NVL: variants seen among roughly 807,000 people sequenced by gnomAD.
The protein encoded by NVL is nuclear valosin-containing protein-like.
NVL carries 84 observed loss-of-function variants against 110.2 expected under a neutral mutation model. The ratio of observed to expected loss-of-function variants is 0.76; its 90% CI spans 0.64 to 0.91. The LOEUF is 0.91. NVL is among the 40% of genes least tolerant of loss of function. NVL has a pLI of 0.00. For missense variants in NVL, 882 were observed against 1,035.9 expected, an observed-to-expected ratio of 0.85 and a Z score of 2.04; for synonymous variants, 354 against 361.1, an observed-to-expected ratio of 0.98 and a Z score of 0.22.
At position 224,268,041 on chromosome 1, in the gene NVL, G is replaced by A. The variant is rs773770958; in HGVS notation, c.2175C>T (p.Asn725=). The A allele has an allele frequency of 3.7e-6, 6 of 1,611,234 alleles. No homozygotes were observed. The highest frequency in any genetic ancestry group is 3.3e-4 in the Middle Eastern group (2 of 6,062). The part of the protein sequence containing the change: ...RQQVFIMAAT[N]RPDIIDPAIL... ...AATATTTTTATTTCTTACCTGGCCTGTTAGTGGCTGCCATAATAAAAACCT... is the reference window on the plus strand; with the variant it reads ...AATATTTTTATTTCTTACCTGGCCTATTAGTGGCTGCCATAATAAAAACCT... Residue 725 remains asparagine, a synonymous_variant, in exon 18 of 23, where the codon AAC becomes AAT. Transcript: ENST00000281701.
intron 15 of NVL, among the ~76,000 whole-genome samples, chr1:224,284,894 A>G (rs372116248): frequency 3.3e-5 from 5 of 152,186 alleles, no homozygotes; most frequent in African/African-American, 1.2e-4. Context: ...TTAAAAACAT[A>G]CATTCCTTTG....
intron 19 of NVL, among the ~76,000 whole-genome samples, chr1:224,241,461 T>G (rs1571792193): frequency 6.6e-6 from 1 of 152,154 alleles, no homozygotes; most frequent in East Asian, 1.9e-4. Flanking sequence ...TAATATTATA[T>G]TATTTTTTAA....
chr1:224,236,580 A>G lies in NVL; in HGVS notation c.2292T>C (p.Asn764=). ...CTGCATCCAGTGGTGGTTTGGTACC[A>G]TTCTAAGTAAGAGAGAAAAATGATT... ...RLAILKTITK[N]GTKPPLDADV... is the part of the protein sequence containing the mutation. Residue 764 remains asparagine, a splice_region_variant and synonymous_variant, in exon 20 of 23, where the codon AAT becomes AAC. Transcript: ENST00000281701. The G allele has an allele frequency of 6.2e-7, 1 of 1,612,818 alleles. No homozygotes were observed. The highest frequency in any genetic ancestry group is 8.5e-7 in the Non-Finnish European group (1 of 1,178,782).
At chr1:224,277,769 A>G (rs1665912897) in intron 16 of NVL, among the ~76,000 whole-genome samples, 1 of 152,184 alleles carries the variant, frequency 6.6e-6, no homozygotes, top group South Asian at 2.1e-4. Context: ...TTTTCCCTAA[A>G]GCCACCAATG....
chr1:224,318,665 A>C (rs569403266), intron 2 of NVL, among the ~76,000 whole-genome samples: 1 of 151,450 alleles, frequency 6.6e-6, no homozygotes, highest in Non-Finnish European at 1.5e-5. Flanking sequence ...CGTCTCAAAA[A>C]TTCTCAGCAT....
At chr1:224,278,668 A>G (rs1477261702) in intron 16 of NVL, among the ~76,000 whole-genome samples, 2 of 152,188 alleles carry the variant, frequency 1.3e-5, no homozygotes, top group African/African-American at 4.8e-5. Context: ...AATATCAGAC[A>G]CCAACACTGC....
At chr1:224,248,125 C>CA (rs564162140) in intron 19 of NVL, among the ~76,000 whole-genome samples, 216 of 152,300 alleles carry the variant, frequency 1.4e-3, no homozygotes, top group African/African-American at 4.9e-3. Context: ...ACCTGAAACT[C>CA]AGAGAGCTCA....
At chr1:224,314,848 C>T (rs1032462530) in intron 4 of NVL, among the ~76,000 whole-genome samples, 3 of 152,056 alleles carry the variant, frequency 2.0e-5, no homozygotes, top group Admixed American at 6.6e-5. Context: ...AATTAATACC[C>T]TTTTTTTCAA....
At chr1:224,283,212 G>A (rs929310547) in intron 15 of NVL, among the ~76,000 whole-genome samples, 1 of 152,182 alleles carries the variant, frequency 6.6e-6, no homozygotes. Context: ...CTAAGGCCGG[G>A]CACGGTGGCT....
At chr1:224,251,928 G>A (rs1002794402) in intron 18 of NVL, among the ~76,000 whole-genome samples, 9 of 152,090 alleles carry the variant, frequency 5.9e-5, no homozygotes, top group Admixed American at 2.6e-4. Context: ...TTACAATGCC[G>A]CTAGTGTTAT....
chr1:224,284,502 AG>A (rs1213201248), intron 15 of NVL, among the ~76,000 whole-genome samples: 1 of 151,980 alleles, frequency 6.6e-6, no homozygotes, highest in Non-Finnish European at 1.5e-5. Flanking sequence ...CAGCCTCCCG[AG>A]TAGCTGGGAT....
At chr1:224,318,988 C>CA (rs35766183) in intron 2 of NVL, among the ~76,000 whole-genome samples, 7,546 of 94,422 alleles carry the variant, frequency 0.08, 583 homozygotes, top group African/African-American at 0.19. Flanking sequence ...GACTCCGTCT[C>CA]AAAAAAAAAA....
chr1:224,275,525 T>G, intron 16 of NVL, 67 bp from the exon 17 acceptor site: 1 of 1,591,974 alleles, frequency 6.3e-7, no homozygotes, highest in Non-Finnish European at 8.6e-7. Flanking sequence ...CAAATGATAC[T>G]AAACAGTTTT....
At chr1:224,307,545 T>C (rs1283027754) in intron 6 of NVL, among the ~76,000 whole-genome samples, 1 of 151,890 alleles carries the variant, frequency 6.6e-6, no homozygotes, top group Non-Finnish European at 1.5e-5. Flanking sequence ...CTAGAAAAGA[T>C]ATAAGTTAGC....
intron 12 of NVL, among the ~76,000 whole-genome samples, chr1:224,291,438 T>C (rs911571451): frequency 6.6e-6 from 1 of 152,214 alleles, no homozygotes; most frequent in Non-Finnish European, 1.5e-5. Flanking sequence ...ATTAATAACT[T>C]TGTAAAGAAG....
At chr1:224,238,393 C>A (rs1017431380) in intron 19 of NVL, among the ~76,000 whole-genome samples, 2 of 152,144 alleles carry the variant, frequency 1.3e-5, no homozygotes, top group African/African-American at 4.8e-5. Flanking sequence ...CAGGGTTCGG[C>A]GACCTGGCTG....
intron 18 of NVL, among the ~76,000 whole-genome samples, chr1:224,253,594 G>A (rs920313118): frequency 1.1e-4 from 16 of 151,514 alleles, no homozygotes; most frequent in Middle Eastern, 3.2e-3. Context: ...TTAGCTAGGC[G>A]TGGTGGCACA....
At chr1:224,237,730 C>T (rs866831465) in intron 19 of NVL, among the ~76,000 whole-genome samples, 1 of 130,086 alleles carries the variant, frequency 7.7e-6, no homozygotes, top group African/African-American at 2.9e-5. Flanking sequence ...TGCCTGGCTA[C>T]TTTTTTTTTT....
intron 9 of NVL, chr1:224,302,942 G>A (rs770315497): frequency 5.8e-5 from 18 of 311,606 alleles, no homozygotes; most frequent in African/African-American, 1.6e-4. Flanking sequence ...CCAGTTACTC[G>A]GGAGGCTGAG....
Sources: allele counts gnomAD v4.1 joint callset (sites outside exome capture counted in the v4.1 genomes callset), GRCh38; gene constraint gnomAD v4.1.1; transcripts MANE v1.5; gene names NCBI Gene and HGNC (gene_info 2026-07-23, HGNC 2026-07-21).